The following EXOC6B variants were observed in gnomAD, a reference collection of about 807,000 sequenced individuals.
EXOC6B encodes the protein SEC15 homolog B.
EXOC6B carries 54 observed loss-of-function variants against 113.5 expected under a neutral mutation model. The observed-to-expected ratio is 0.48, with a 90% CI of 0.38 to 0.60. The LOEUF is 0.60. Ranked by LOEUF, EXOC6B falls within the 20% of genes least tolerant of loss-of-function variation. The pLI, the probability that EXOC6B is intolerant of heterozygous loss-of-function variation, is 0.00. For synonymous variants in EXOC6B, 357 were observed against 339.0 expected (o/e 1.05, Z -0.58); for missense variants, 797 against 977.5 (o/e 0.82, Z 2.46).
Position 72,177,267 on chromosome 2 carries a change from G to C in EXOC6B, c.*2068C>G, listed in dbSNP as rs1427163093. 1 of 152,186 alleles carries C rather than the reference G, an allele frequency of 6.6e-6. No individual in the cohort carries two copies. Among genetic ancestry groups the C allele is most frequent in the Non-Finnish European group, 1.5e-5 (1 of 68,058 alleles). 9.4% of individuals were successfully genotyped at this position (152,186 alleles called of 1,614,324 possible). On this transcript the variant is annotated 3_prime_UTR_variant, in exon 22 of 22. Coordinates refer to ENST00000272427, the MANE Select transcript of EXOC6B (RefSeq NM_015189.3). ...AAGGCAGAGGTTTGAGACCAGACCA[G>C]CAATGATGATCCTCTAAAAAGACAA...
intron 8 of EXOC6B, among the ~76,000 whole-genome samples, chr2:72,556,774 CTT>C: frequency 6.6e-6 from 1 of 151,296 alleles, no homozygotes; most frequent in Middle Eastern, 3.6e-3. Context: ...AAAGTTTAAA[CTT>C]ATATGGCTAA....
intron 6 of EXOC6B, among the ~76,000 whole-genome samples, chr2:72,622,230 A>G (rs2104195954): frequency 6.6e-6 from 1 of 150,516 alleles, no homozygotes; most frequent in Non-Finnish European, 1.5e-5. Flanking sequence ...CTGATGAAGT[A>G]CAAAAAAAAA....
rs141504799 is a variant in EXOC6B at position 72,606,529 on chromosome 2, G to C, written c.670-30861C>G. 4.5e-4 allele frequency among the ~76,000 whole-genome samples: 68 copies of C among 152,004 alleles called. No homozygotes were observed. The East Asian group carries it at 0.013, about 28-fold the overall frequency. On this transcript the variant is annotated intron_variant, in intron 6 of 21. Transcript: ENST00000272427. ...GAATCACTTGAGGACAGGAGTTGGA[G>C]ACCAGCCTAAGCAAAACAGTAAGAC...
chr2:72,716,484 G>C (rs1679626739), intron 6 of EXOC6B, among the ~76,000 whole-genome samples: 1 of 151,992 alleles, frequency 6.6e-6, no homozygotes, highest in African/African-American at 2.4e-5. Flanking sequence ...TTTACTCAAG[G>C]ATCCTGAGAT....
At chr2:72,355,901 G>A (rs1343562058) in intron 19 of EXOC6B, among the ~76,000 whole-genome samples, 1 of 151,908 alleles carries the variant, frequency 6.6e-6, no homozygotes, top group East Asian at 1.9e-4. Flanking sequence ...ATTTTTATTG[G>A]GTTCAAACTT....
intron 6 of EXOC6B, among the ~76,000 whole-genome samples, chr2:72,677,267 C>T (rs925416259): frequency 7.2e-5 from 11 of 152,018 alleles, no homozygotes; most frequent in African/African-American, 2.4e-4. Context: ...TGCAATGGCT[C>T]GCATCTGTAA....
At chr2:72,303,658 T>A (rs1027887919) in intron 20 of EXOC6B, among the ~76,000 whole-genome samples, 1 of 152,220 alleles carries the variant, frequency 6.6e-6, no homozygotes, top group African/African-American at 2.4e-5. Flanking sequence ...TCTGTGTTCC[T>A]ATCCATATTC....
chr2:72,353,349 G>GTCGTA (rs1689771353), intron 19 of EXOC6B, among the ~76,000 whole-genome samples: 1 of 142,260 alleles, frequency 7.0e-6, no homozygotes, highest in Admixed American at 6.8e-5. Context: ...TTTATATTTT[G>GTCGTA]TTGTATTGTA....
intron 6 of EXOC6B, among the ~76,000 whole-genome samples, chr2:72,622,020 T>C (rs1671777049): frequency 6.6e-6 from 1 of 151,684 alleles, no homozygotes; most frequent in African/African-American, 2.4e-5. Context: ...CCACAATAAG[T>C]GAGGAAAGAA....
At chr2:72,796,517 A>G (rs1335199537) in intron 1 of EXOC6B, among the ~76,000 whole-genome samples, 1 of 150,942 alleles carries the variant, frequency 6.6e-6, no homozygotes, top group Non-Finnish European at 1.5e-5. Flanking sequence ...CTTTTCCCCC[A>G]CTAGACAATG....
chr2:72,645,981 C>CA (rs1227113509), intron 6 of EXOC6B, among the ~76,000 whole-genome samples: 8 of 151,956 alleles, frequency 5.3e-5, no homozygotes, highest in Admixed American at 3.9e-4. Flanking sequence ...AAAAACCCTT[C>CA]AAAAAAATCA....
intron 8 of EXOC6B, among the ~76,000 whole-genome samples, chr2:72,556,989 T>A (rs1385960594): frequency 6.6e-6 from 1 of 150,552 alleles, no homozygotes; most frequent in Non-Finnish European, 1.5e-5. Context: ...TTAAAAAAAA[T>A]GAACAAAGGT....
intron 20 of EXOC6B, among the ~76,000 whole-genome samples, chr2:72,188,615 T>C (rs1678602765): frequency 6.6e-6 from 1 of 152,196 alleles, no homozygotes; most frequent in Non-Finnish European, 1.5e-5. Context: ...TATTTATCCG[T>C]ATAGTACTTT....
chr2:72,800,897 T>G (rs1685238827), intron 1 of EXOC6B, among the ~76,000 whole-genome samples: 1 of 152,164 alleles, frequency 6.6e-6, no homozygotes, highest in Non-Finnish European at 1.5e-5. Flanking sequence ...ATGGACTTTC[T>G]CCATCTACCT....
intron 20 of EXOC6B, among the ~76,000 whole-genome samples, chr2:72,239,115 T>C (rs1682146095): frequency 6.6e-6 from 1 of 152,164 alleles, no homozygotes; most frequent in South Asian, 2.1e-4. Context: ...AGTCTCAAAC[T>C]CCTGGGCTCA....
At chr2:72,706,141 C>T (rs549783904) in intron 6 of EXOC6B, among the ~76,000 whole-genome samples, 1 of 152,124 alleles carries the variant, frequency 6.6e-6, no homozygotes, top group African/African-American at 2.4e-5. Flanking sequence ...TGAATGCATC[C>T]CTTCTGGATA....
chr2:72,810,387 A>G (rs1435738471), intron 1 of EXOC6B, among the ~76,000 whole-genome samples: 1 of 148,024 alleles, frequency 6.8e-6, no homozygotes, highest in African/African-American at 2.5e-5. Flanking sequence ...AAATAAATAA[A>G]ATACAGTGAA....
At chr2:72,512,033 G>A (rs1700930514) in intron 11 of EXOC6B, among the ~76,000 whole-genome samples, 1 of 152,032 alleles carries the variant, frequency 6.6e-6, no homozygotes, top group South Asian at 2.1e-4. Context: ...TTGCACTACT[G>A]TTCTTTAGGA....
At chr2:72,402,696 G>C (rs749120938) in intron 18 of EXOC6B, among the ~76,000 whole-genome samples, 1 of 152,082 alleles carries the variant, frequency 6.6e-6, no homozygotes, top group African/African-American at 2.4e-5. Context: ...CTGTTTTGTT[G>C]TATATTGTGT....
Sources: allele counts gnomAD v4.1 joint callset (sites outside exome capture counted in the v4.1 genomes callset), GRCh38; gene constraint gnomAD v4.1.1; transcripts MANE v1.5; gene names NCBI Gene and HGNC (gene_info 2026-07-23, HGNC 2026-07-21).